The following GGACT variants were observed in gnomAD, a reference collection of about 807,000 sequenced individuals.
The protein encoded by GGACT is gamma-glutamylaminecyclotransferase.
For synonymous variants in GGACT, 118 were observed against 115.3 expected (o/e 1.02, Z -0.15); for missense variants, 241 against 233.2 (o/e 1.03, Z -0.22).
At position 100,532,540 on chromosome 13, in the gene GGACT, T is replaced by C; in HGVS notation, c.52A>G (p.Arg18Gly). The change falls in exon 3 of 3, where the codon AGG (arginine) becomes GGG (glycine). Residue 18 changes from arginine to glycine, a missense_variant. Arg to Gly is a moderately radical substitution (Grantham distance 125). Coordinates refer to ENST00000683975, the MANE Select transcript of GGACT (RefSeq NM_001195087.2). ...GTLKRGQPNH[R>G]VLRDGAHGSA... Reference sequence around the variant, plus strand: ...CCGTGGGCGCCGTCCCGCAGGACCCTGTGGTTGGGCTGACCCCGCTTCAGG... The same window carrying C: ...CCGTGGGCGCCGTCCCGCAGGACCCCGTGGTTGGGCTGACCCCGCTTCAGG... 1 of 1,547,876 alleles carries C rather than the reference T, an allele frequency of 6.5e-7. No individual in the cohort carries two copies.
At chr13:100,581,073 C>T (rs1468481683) in intron 2 of GGACT, among the ~76,000 whole-genome samples, 2 of 152,172 alleles carry the variant, frequency 1.3e-5, no homozygotes, top group Non-Finnish European at 2.9e-5. Context: ...GCTGGAGACA[C>T]CAGTGTGGAC....
intron 2 of GGACT, among the ~76,000 whole-genome samples, chr13:100,551,475 G>A (rs1316812894): frequency 6.6e-6 from 1 of 152,136 alleles, no homozygotes; most frequent in Non-Finnish European, 1.5e-5. Flanking sequence ...ACTTCCCCTC[G>A]GCTCCCAGGA....
chr13:100,583,888 T>A lies in GGACT; in HGVS notation c.-74A>T, dbSNP rs923314701. On this transcript the variant is annotated 5_prime_UTR_variant, in exon 2 of 3. Coordinates refer to ENST00000683975, the MANE Select transcript of GGACT (RefSeq NM_001195087.2). Reference sequence around the variant, plus strand: ...TCCAGATCCACAGTAAGCCTGAGAGTCTTAAAAACTTTTGACTTCAGAATC... The same window carrying A: ...TCCAGATCCACAGTAAGCCTGAGAGACTTAAAAACTTTTGACTTCAGAATC... 1.3e-5 allele frequency: 2 copies of A among 152,032 alleles called. No individual in the cohort carries two copies. Among genetic ancestry groups the A allele is most frequent in the African/African-American group, 2.4e-5 (1 of 41,346 alleles). The allele number at this position is 152,032 out of a possible 1,614,324, so 9.4% of individuals were successfully genotyped here. A position where few individuals can be genotyped will look rare whatever the true frequency, so the allele number is the denominator to read the frequency against.
intron 2 of GGACT, among the ~76,000 whole-genome samples, chr13:100,550,465 T>A: frequency 6.7e-6 from 1 of 149,272 alleles, no homozygotes; most frequent in Non-Finnish European, 1.5e-5. Flanking sequence ...CACACCACTT[T>A]TAAAAGCACC....
At chr13:100,552,041 C>T (rs1342340514) in intron 2 of GGACT, among the ~76,000 whole-genome samples, 1 of 152,218 alleles carries the variant, frequency 6.6e-6, no homozygotes, top group African/African-American at 2.4e-5. Context: ...CTGAGGGGCC[C>T]TTGACCCTTC....
chr13:100,576,664 G>T (rs1321447218), intron 2 of GGACT, among the ~76,000 whole-genome samples: 1 of 152,166 alleles, frequency 6.6e-6, no homozygotes, highest in African/African-American at 2.4e-5. Context: ...AGCCTCAAAG[G>T]TTGCATATTA....
chr13:100,548,473 G>A (rs142432572), intron 2 of GGACT, among the ~76,000 whole-genome samples: 259 of 152,248 alleles, frequency 1.7e-3, no homozygotes, highest in African/African-American at 5.8e-3. Context: ...ATTCTAGAAG[G>A]ATGAGAATAT....
Position 100,545,894 on chromosome 13 carries a change from G to A in GGACT, c.-10-13293C>T, listed in dbSNP as rs774749418. ...CCATCATGTCCCTTCCTACACATGCGTCAGCCAACCACATACTCGGAAAAT... is the reference window on the plus strand; with the variant it reads ...CCATCATGTCCCTTCCTACACATGCATCAGCCAACCACATACTCGGAAAAT... On this transcript the variant is annotated intron_variant, in intron 2 of 2. Transcript: ENST00000683975. This position sits in a 1 kb window ranked among gnomAD's most constrained non-coding sequence, Gnocchi z 4.4. Among the ~76,000 whole-genome samples the A allele has an allele frequency of 3.3e-5, 5 of 152,168 alleles. No homozygotes were observed. The highest frequency in any genetic ancestry group is 9.7e-5 in the African/African-American group (4 of 41,412).
At chr13:100,535,343 G>A (rs577338742) in intron 2 of GGACT, among the ~76,000 whole-genome samples, 20 of 152,150 alleles carry the variant, frequency 1.3e-4, no homozygotes, top group Non-Finnish European at 2.8e-4. Context: ...TGTTACTTAC[G>A]CTGCTACTTC....
At chr13:100,537,069 GTCAC>G (rs1156874349) in intron 2 of GGACT, 2 of 152,290 alleles carry the variant, frequency 1.3e-5, no homozygotes, top group African/African-American at 2.4e-5. Flanking sequence ...TAAGTCTGCT[GTCAC>G]TCACTTCTGT....
chr13:100,561,219 T>A lies in GGACT; in HGVS notation c.-11+22606A>T, dbSNP rs550344143. On this transcript the variant is annotated intron_variant, in intron 2 of 2. Coordinates refer to ENST00000683975, the MANE Select transcript of GGACT (RefSeq NM_001195087.2). ...CTACAAGCTTTCCTTGAACGTTGTGTTATATTTCATTTTGGTTATCATTTT... is the reference window on the plus strand; with the variant it reads ...CTACAAGCTTTCCTTGAACGTTGTGATATATTTCATTTTGGTTATCATTTT... Among the ~76,000 whole-genome samples the A allele has an allele frequency of 6.6e-5, 10 of 152,364 alleles. No homozygotes were observed. In the East Asian group the frequency reaches 1.9e-3, roughly 29 times the overall value.
intron 2 of GGACT, among the ~76,000 whole-genome samples, chr13:100,575,232 T>C (rs1229745847): frequency 2.0e-5 from 3 of 152,186 alleles, no homozygotes; most frequent in African/African-American, 7.2e-5. Flanking sequence ...CGGGTGAGGT[T>C]TGAATTTACA....
chr13:100,533,724 G>C (rs564313293), intron 2 of GGACT: 83 of 152,324 alleles, frequency 5.4e-4, no homozygotes, highest in Middle Eastern at 3.4e-3. Flanking sequence ...AGCGATCTTG[G>C]CTCCAGCGTG....
At chr13:100,537,317 CTCAAGGGTATG>C (rs1555333166) in intron 2 of GGACT, 1 of 152,318 alleles carries the variant, frequency 6.6e-6, no homozygotes, top group Non-Finnish European at 1.5e-5. Context: ...GTACAGGAGA[CTCAAGGGTATG>C]TCAGGTCCCC....
Position 100,549,631 on chromosome 13 carries a change from G to A in GGACT, c.-10-17030C>T, listed in dbSNP as rs115322546. Among the ~76,000 whole-genome samples, 397 of 152,342 alleles carry A rather than the reference G, an allele frequency of 2.6e-3. 2 individuals carry two copies. The highest frequency in any genetic ancestry group is 9.1e-3 in the African/African-American group (380 of 41,570). ...CAGTGGGCTCTGTAAGGCAGGACTC[G>A]TTTTGGTAGTAATAACAGGTTTGCC... On this transcript the variant is annotated intron_variant, in intron 2 of 2. Coordinates refer to ENST00000683975, the MANE Select transcript of GGACT (RefSeq NM_001195087.2).
rs1421461379 is a variant in GGACT, at chr13:100,530,239, C to G, written c.*1891G>C. ...ATGATGCTTTCACACACAATTGATT[C>G]AAGCATTATACAGGAACACCCCTGT... On this transcript the variant is annotated 3_prime_UTR_variant, in exon 3 of 3. Coordinates refer to ENST00000683975, the MANE Select transcript of GGACT (RefSeq NM_001195087.2). The G allele has an allele frequency of 1.4e-5, 17 of 1,202,580 alleles. No homozygotes were observed. The highest frequency in any genetic ancestry group is 2.0e-5 in the Non-Finnish European group (16 of 808,660). The allele number at this position is 1,202,580 out of a possible 1,614,324, so 74.5% of individuals were successfully genotyped here. A position where few individuals can be genotyped will look rare whatever the true frequency, so the allele number is the denominator to read the frequency against.
intron 2 of GGACT, among the ~76,000 whole-genome samples, chr13:100,578,010 A>G (rs1875303898): frequency 6.6e-6 from 1 of 152,218 alleles, no homozygotes; most frequent in East Asian, 1.9e-4. Context: ...CTCAGGCACA[A>G]CTAAAATATC....
chr13:100,584,528 A>C (rs900688841), intron 1 of GGACT, among the ~76,000 whole-genome samples: 3 of 152,176 alleles, frequency 2.0e-5, no homozygotes, highest in African/African-American at 7.2e-5. Flanking sequence ...ATGGGTACAA[A>C]AACACAGAAA....
intron 2 of GGACT, among the ~76,000 whole-genome samples, chr13:100,551,663 G>C (rs550767090): frequency 6.6e-6 from 1 of 152,330 alleles, no homozygotes; most frequent in South Asian, 2.1e-4. Flanking sequence ...TGTCCAGGGG[G>C]CACCTGTGCC....
Sources: allele counts gnomAD v4.1 joint callset (sites outside exome capture counted in the v4.1 genomes callset), GRCh38; gene constraint gnomAD v4.1.1; non-coding constraint Gnocchi (gnomAD v3.1); transcripts MANE v1.5; gene names NCBI Gene and HGNC (gene_info 2026-07-23, HGNC 2026-07-21).